VPS41: variants seen among roughly 807,000 people sequenced by gnomAD.
The protein encoded by VPS41 is VPS41 subunit of HOPS complex.
In VPS41, 85 loss-of-function variants were observed where a neutral mutation model predicts 130.9. The observed-to-expected ratio is 0.65, with a 90% confidence interval of 0.55 to 0.78. The LOEUF (loss-of-function observed/expected upper bound fraction) is 0.78, where lower values mean the gene tolerates loss of function less well. VPS41 is among the 30% of genes least tolerant of loss of function. The pLI is 0.00. For synonymous variants in VPS41, 335 were observed against 332.9 expected (o/e 1.01, Z -0.07); for missense variants, 874 against 1,018.7 (o/e 0.86, Z 1.93).
chr7:38,866,222 G>A (rs1341807199), intron 3 of VPS41, among the ~76,000 whole-genome samples: 2 of 152,134 alleles, frequency 1.3e-5, no homozygotes, highest in Admixed American at 1.3e-4. Context: ...ATCTTAGAGA[G>A]CCTTAGATAC....
chr7:38,890,005 G>A (rs558913877), intron 2 of VPS41, among the ~76,000 whole-genome samples: 18 of 152,248 alleles, frequency 1.2e-4, no homozygotes, highest in African/African-American at 3.9e-4. Flanking sequence ...AGTAGACTGT[G>A]ATAAGTTATG....
At chr7:38,880,181 C>G (rs1786575081) in intron 2 of VPS41, among the ~76,000 whole-genome samples, 1 of 152,136 alleles carries the variant, frequency 6.6e-6, no homozygotes, top group African/African-American at 2.4e-5. Context: ...AAAATACAGC[C>G]ATGATGTGTA....
At chr7:38,891,957 T>C (rs1786876502) in intron 2 of VPS41, among the ~76,000 whole-genome samples, 1 of 152,056 alleles carries the variant, frequency 6.6e-6, no homozygotes, top group Admixed American at 6.6e-5. Flanking sequence ...TTTATAATTG[T>C]TTTGTAAATA....
At chr7:38,830,106 TTCAA>T in intron 5 of VPS41, 144 bp downstream of exon 5, 1 of 659,146 alleles carries the variant, frequency 1.5e-6, no homozygotes, top group Non-Finnish European at 2.7e-6. Flanking sequence ...TATATTTTAC[TTCAA>T]TTATGACCAA....
chr7:38,754,482 G>A (rs1225499587), intron 21 of VPS41, among the ~76,000 whole-genome samples: 1 of 152,060 alleles, frequency 6.6e-6, no homozygotes, highest in Non-Finnish European at 1.5e-5. Flanking sequence ...TCAATTGTGG[G>A]TCAAAATTCA....
At chr7:38,726,349 C>T in intron 28 of VPS41, 23 bp from the exon 29 acceptor site, 1 of 1,572,274 alleles carries the variant, frequency 6.4e-7, no homozygotes, top group Non-Finnish European at 8.7e-7. Flanking sequence ...TTTAAAAACA[C>T]ATATTTAAAA....
At chr7:38,887,581 T>C (rs1433938685) in intron 2 of VPS41, among the ~76,000 whole-genome samples, 1 of 151,896 alleles carries the variant, frequency 6.6e-6, no homozygotes, top group East Asian at 1.9e-4. Context: ...GCGGGGATAA[T>C]GGAACCAAGT....
At chr7:38,753,490 G>A (rs1303126861) in intron 21 of VPS41, among the ~76,000 whole-genome samples, 1 of 152,036 alleles carries the variant, frequency 6.6e-6, no homozygotes, top group Non-Finnish European at 1.5e-5. Context: ...GGGATATGTG[G>A]TGCTGTTTCC....
chr7:38,760,442 GA>G (rs1783886813), intron 17 of VPS41, among the ~76,000 whole-genome samples: 1 of 152,118 alleles, frequency 6.6e-6, no homozygotes, highest in African/African-American at 2.4e-5. Context: ...AGCAAGAGAT[GA>G]ATGCATAATT....
intron 10 of VPS41, among the ~76,000 whole-genome samples, chr7:38,781,796 G>A (rs1784358413): frequency 6.6e-6 from 1 of 152,218 alleles, no homozygotes; most frequent in Non-Finnish European, 1.5e-5. Context: ...CCTGAAGCCT[G>A]TCACCTAATT....
intron 1 of VPS41, among the ~76,000 whole-genome samples, chr7:38,904,017 T>TA (rs1366059624): frequency 6.6e-6 from 1 of 152,120 alleles, no homozygotes; most frequent in Non-Finnish European, 1.5e-5. Context: ...AATTAGCTAA[T>TA]ACCCACTAAC....
At chr7:38,834,866 G>A (rs1785462258) in intron 4 of VPS41, among the ~76,000 whole-genome samples, 1 of 150,942 alleles carries the variant, frequency 6.6e-6, no homozygotes, top group Admixed American at 6.6e-5. Context: ...AAAAAAAATA[G>A]CACATTTTAA....
intron 25 of VPS41, 141 bp from the exon 26 acceptor site, chr7:38,728,932 A>C (rs1041563556): frequency 1.4e-6 from 1 of 727,660 alleles, no homozygotes. Flanking sequence ...TGCCCTCAGT[A>C]CCCTCTTCCT....
At chr7:38,906,893 G>C (rs1787279849) in intron 1 of VPS41, among the ~76,000 whole-genome samples, 1 of 152,130 alleles carries the variant, frequency 6.6e-6, no homozygotes, top group South Asian at 2.1e-4. Flanking sequence ...TTATATTATA[G>C]ATATAAGCCT....
intron 22 of VPS41, among the ~76,000 whole-genome samples, chr7:38,751,628 T>C (rs556271948): frequency 2.6e-4 from 39 of 152,318 alleles, no homozygotes; most frequent in African/African-American, 9.1e-4. Flanking sequence ...ACAAATTCCT[T>C]GTCTTTGAAG....
In VPS41 at chr7:38,774,260, A is replaced by C; in HGVS notation, c.883-16T>G. On this transcript the variant is annotated splice_polypyrimidine_tract_variant and intron_variant, in intron 11 of 28. Coordinates refer to ENST00000310301, the MANE Select transcript of VPS41 (RefSeq NM_014396.4). ...ATTCTCTTTCCTAGTGGGGGAAAAGAGAGAAACATTAATTTAAATTACATT... is the reference window on the plus strand; with the variant it reads ...ATTCTCTTTCCTAGTGGGGGAAAAGCGAGAAACATTAATTTAAATTACATT... 2 of 1,557,200 alleles carry C rather than the reference A, an allele frequency of 1.3e-6. No homozygotes were observed. The highest frequency in any genetic ancestry group is 1.7e-6 in the Non-Finnish European group (2 of 1,149,612).
At chr7:38,736,353 TCCAGATGATACTGGTGTGCAG>T (rs1437037994) in intron 25 of VPS41, among the ~76,000 whole-genome samples, 1 of 152,190 alleles carries the variant, frequency 6.6e-6, no homozygotes, top group African/African-American at 2.4e-5. Flanking sequence ...TATACAAGAA[TCCAGATGATACTGGTGTGCAG>T]CCAGACTTCA....
intron 4 of VPS41, among the ~76,000 whole-genome samples, chr7:38,859,930 A>C (rs1234571149): frequency 1.3e-5 from 2 of 152,254 alleles, no homozygotes; most frequent in African/African-American, 4.8e-5. Flanking sequence ...ATCTCAAAAA[A>C]CCATTTATGG....
At chr7:38,792,061 C>G (rs111648525) in intron 9 of VPS41, among the ~76,000 whole-genome samples, 1,876 of 152,250 alleles carry the variant, frequency 0.012, 49 homozygotes, top group African/African-American at 0.042. Context: ...CAAGGCCTGA[C>G]TGGTATCTCG....
Sources: gnomAD v4.1 joint callset for allele counts (sites outside exome capture counted in the v4.1 genomes callset) on GRCh38, gnomAD v4.1.1 for gene constraint, MANE v1.5 for transcripts, NCBI Gene and HGNC (gene_info 2026-07-23, HGNC 2026-07-21) for gene names.